The following GMDS variants were observed in gnomAD, a reference collection of about 807,000 sequenced individuals.
GMDS encodes GDP-mannose 4,6 dehydratase.
In GMDS, 20 loss-of-function variants were observed where a neutral mutation model predicts 49.9. The observed-to-expected ratio is 0.40, with a 90% CI of 0.28 to 0.58. The LOEUF is 0.58. GMDS is among the 20% of genes least tolerant of loss of function. GMDS has a pLI of 0.42. For synonymous variants in GMDS, 177 were observed against 178.6 expected, an observed-to-expected ratio of 0.99 and a Z score of 0.07; for missense variants, 362 against 481.4, an observed-to-expected ratio of 0.75 and a Z score of 2.32.
intron 1 of GMDS, among the ~76,000 whole-genome samples, chr6:2,174,834 G>A (rs1274223793): frequency 3.3e-5 from 5 of 152,082 alleles, no homozygotes; most frequent in Non-Finnish European, 7.4e-5. Context: ...CTCCCAAAGT[G>A]CTAGCATTAT....
chr6:1,697,548 G>A (rs1422046036), intron 9 of GMDS, among the ~76,000 whole-genome samples: 2 of 152,240 alleles, frequency 1.3e-5, no homozygotes, highest in Non-Finnish European at 2.9e-5. Flanking sequence ...GCGCGCTGCA[G>A]CCTCATGTTC....
At chr6:1,678,829 A>G (rs1408069706) in intron 9 of GMDS, among the ~76,000 whole-genome samples, 1 of 152,212 alleles carries the variant, frequency 6.6e-6, no homozygotes, top group Non-Finnish European at 1.5e-5. Flanking sequence ...TTATTTTTAA[A>G]AGCTTTACAT....
At chr6:2,064,638 C>T (rs937228634) in intron 4 of GMDS, among the ~76,000 whole-genome samples, 2 of 152,178 alleles carry the variant, frequency 1.3e-5, no homozygotes, top group African/African-American at 4.8e-5. Flanking sequence ...CCAAGTCACC[C>T]AGGCTCTTGC....
intron 7 of GMDS, among the ~76,000 whole-genome samples, chr6:1,916,215 G>A (rs1480985295): frequency 1.6e-4 from 25 of 152,138 alleles, no homozygotes; most frequent in Non-Finnish European, 2.9e-5. Flanking sequence ...AAGACCAGCA[G>A]CCACCTAGTT....
intron 4 of GMDS, among the ~76,000 whole-genome samples, chr6:2,009,133 C>A (rs1357427152): frequency 6.6e-6 from 1 of 152,180 alleles, no homozygotes; most frequent in African/African-American, 2.4e-5. Context: ...ACTGACCAGT[C>A]ACATTTGGGA....
rs1053904332 is a variant in GMDS, at chr6:1,836,746, C to G, written c.771+93357G>C. Among the ~76,000 whole-genome samples the G allele has an allele frequency of 1.3e-5, 2 of 152,200 alleles. No homozygotes were observed. Among genetic ancestry groups the G allele is most frequent in the Non-Finnish European group, 2.9e-5 (2 of 68,040 alleles). On this transcript the variant is annotated intron_variant, in intron 7 of 10. Coordinates refer to ENST00000380815, the MANE Select transcript of GMDS (RefSeq NM_001500.4). The surrounding 1 kb of genome is among the most constrained non-coding windows in gnomAD (Gnocchi z 4.2). ...ATAAAACTCTATGGACTCTGGCAAA[C>G]CCTTCATTCTTTTGCAGCCAAGCTC... is the stretch of plus-strand genomic sequence containing the variant.
rs547900325 is a variant in GMDS at position 1,852,602 on chromosome 6, TTA to T, written c.771+77499_771+77500del. Among the ~76,000 whole-genome samples the T allele has an allele frequency of 9.2e-5, 14 of 152,260 alleles. No individual in the cohort carries two copies. In the South Asian group the frequency reaches 2.9e-3, roughly 32 times the overall value. ...TAATACTTGCTTTGAAAATTTAGCA[TTA>T]TGTTTTTCTTAGTGTCTTTTTTTTT... On this transcript the variant is annotated intron_variant, in intron 7 of 10. Coordinates refer to ENST00000380815, the MANE Select transcript of GMDS (RefSeq NM_001500.4).
intron 4 of GMDS, among the ~76,000 whole-genome samples, chr6:2,008,418 T>C (rs1052388748): frequency 2.6e-5 from 4 of 152,318 alleles, no homozygotes; most frequent in Admixed American, 1.3e-4. Context: ...AGTTAATATG[T>C]TATGGCTGTT....
At chr6:2,053,054 T>A (rs936881106) in intron 4 of GMDS, among the ~76,000 whole-genome samples, 5 of 152,200 alleles carry the variant, frequency 3.3e-5, no homozygotes, top group Non-Finnish European at 5.9e-5. Flanking sequence ...ATTCCCAATG[T>A]TAAATAATAA....
chr6:1,944,472 G>A (rs1339669357), intron 6 of GMDS, among the ~76,000 whole-genome samples: 1 of 144,548 alleles, frequency 6.9e-6, no homozygotes, highest in Admixed American at 6.9e-5. Flanking sequence ...GCCACTGCAC[G>A]CTAGCCTGGG....
intron 6 of GMDS, among the ~76,000 whole-genome samples, chr6:1,933,594 G>A (rs553985185): frequency 2.0e-5 from 3 of 152,286 alleles, no homozygotes; most frequent in East Asian, 1.9e-4. Flanking sequence ...TTGTGGTTCC[G>A]ATGTGTCCTT....
chr6:1,920,533 C>T (rs571031637), intron 7 of GMDS, among the ~76,000 whole-genome samples: 3 of 152,132 alleles, frequency 2.0e-5, no homozygotes, highest in South Asian at 2.1e-4. Context: ...TACGTTTTGC[C>T]CTCTCCAGAG....
At chr6:1,650,607 G>A (rs1315517491) in intron 9 of GMDS, among the ~76,000 whole-genome samples, 2 of 152,064 alleles carry the variant, frequency 1.3e-5, no homozygotes, top group Admixed American at 6.6e-5. Flanking sequence ...ATAGGGTCTC[G>A]CTCTGTCACC....
intron 4 of GMDS, among the ~76,000 whole-genome samples, chr6:2,100,243 C>A (rs1316251212): frequency 6.6e-6 from 1 of 151,968 alleles, no homozygotes; most frequent in African/African-American, 2.4e-5. Context: ...AGGCTTAAAT[C>A]ACAGAATTAC....
chr6:2,120,523 T>A (rs926041827), intron 2 of GMDS, among the ~76,000 whole-genome samples: 1 of 152,194 alleles, frequency 6.6e-6, no homozygotes, highest in Non-Finnish European at 1.5e-5. Context: ...ATGTCACAAT[T>A]TACCTATTCT....
At chr6:1,911,224 A>G (rs1308145062) in intron 7 of GMDS, among the ~76,000 whole-genome samples, 2 of 152,220 alleles carry the variant, frequency 1.3e-5, no homozygotes, top group East Asian at 1.9e-4. Context: ...CTCCAGGGAC[A>G]TGCTAATGTC....
intron 1 of GMDS, among the ~76,000 whole-genome samples, chr6:2,150,442 G>A (rs1275269363): frequency 6.6e-6 from 1 of 152,088 alleles, no homozygotes; most frequent in Non-Finnish European, 1.5e-5. Flanking sequence ...GAATGCCTCT[G>A]GCTATAAAGT....
intron 1 of GMDS, among the ~76,000 whole-genome samples, chr6:2,217,809 C>CT (rs1780408623): frequency 6.6e-6 from 1 of 152,160 alleles, no homozygotes; most frequent in East Asian, 1.9e-4. Flanking sequence ...CCCCCAAAGC[C>CT]CTGGATGAAC....
chr6:2,164,985 A>G (rs1777590921), intron 1 of GMDS, among the ~76,000 whole-genome samples: 1 of 152,232 alleles, frequency 6.6e-6, no homozygotes, highest in Middle Eastern at 3.2e-3. Context: ...GTGGTTGGTT[A>G]GGAGTATCCA....
Sources: allele counts gnomAD v4.1 joint callset (sites outside exome capture counted in the v4.1 genomes callset), GRCh38; gene constraint gnomAD v4.1.1; non-coding constraint Gnocchi (gnomAD v3.1); transcripts MANE v1.5; gene names NCBI Gene and HGNC (gene_info 2026-07-23, HGNC 2026-07-21).